Variants in RREB1 observed in about 807,000 individuals in gnomAD.
RREB1 encodes the protein ras-responsive element-binding protein 1.
Under a neutral mutation model 117.8 loss-of-function variants are expected in RREB1, and 27 were observed. That is an observed-to-expected ratio of 0.23 (90% CI 0.17 to 0.32). RREB1 has a LOEUF of 0.32. Ranked by LOEUF, RREB1 falls within the 10% of genes least tolerant of loss-of-function variation. The pLI is 1.00. For missense variants in RREB1, 2,577 were observed against 2,378.2 expected (o/e 1.08, Z -1.74); for synonymous variants, 1,298 against 1,026.7 (o/e 1.26, Z -5.05).
chr6:7,186,234 G>C (rs1765075491), intron 4 of RREB1, among the ~76,000 whole-genome samples: 1 of 152,170 alleles, frequency 6.6e-6, no homozygotes, highest in African/African-American at 2.4e-5. Context: ...CGAGGTGCAA[G>C]CCTCCTTGGG....
chr6:7,231,469 A>G lies in RREB1; in HGVS notation c.3370A>G (p.Lys1124Glu), dbSNP rs1767972298. The G allele has an allele frequency of 6.2e-7, 1 of 1,613,014 alleles. No homozygotes were observed. Among genetic ancestry groups the G allele is most frequent in the South Asian group, 1.1e-5 (1 of 91,040 alleles). ...CACCCCCGCTGCCACCACCAGCCCAAAAGAGTCTAGTGAGCCTCCCGCTCC... is the reference window on the plus strand; with the variant it reads ...CACCCCCGCTGCCACCACCAGCCCAGAAGAGTCTAGTGAGCCTCCCGCTCC... ...TATPAATTSP[K>E]ESSEPPAPAS... Residue 1124 changes from lysine to glutamate, a missense_variant, in exon 10 of 13, where the codon AAA becomes GAA. Lys to Glu is a moderately conservative substitution (Grantham distance 56). Transcript: ENST00000379938.
In RREB1 at chr6:7,229,593, G is replaced by C. The variant is rs1275051434; in HGVS notation, c.1494G>C (p.Gln498His). 1 of 1,612,128 alleles carries C rather than the reference G, an allele frequency of 6.2e-7. No homozygotes were observed. Among genetic ancestry groups the C allele is most frequent in the East Asian group, 2.2e-5 (1 of 44,826 alleles). Residue 498 changes from glutamine (Q) to histidine (H), a missense_variant, in exon 10 of 13, where the codon CAG becomes CAC. By Grantham distance (24) the Gln-to-His change is conservative. Transcript: ENST00000379938. This position sits in a 1 kb window ranked among gnomAD's most constrained non-coding sequence, Gnocchi z 4.5. ...CCAAGGCCCCTGCCGCCCCACTGCA[G>C]GCGATCTTCAAGCACATGCCCCCTC... Reference protein sequence around the residue: ...PFSKAPAAPLQAIFKHMPPLK... With the variant: ...PFSKAPAAPLHAIFKHMPPLK...
At chr6:7,181,779 A>G in intron 3 of RREB1, 91 bp from the exon 4 acceptor site, 2 of 887,810 alleles carry the variant, frequency 2.3e-6, no homozygotes, top group Non-Finnish European at 3.7e-6. Context: ...TTTGACCTGA[A>G]TTACAATTAG....
chr6:7,162,055 A>G (rs576730145), intron 1 of RREB1, among the ~76,000 whole-genome samples: 29 of 152,258 alleles, frequency 1.9e-4, no homozygotes, highest in African/African-American at 6.7e-4. Context: ...TGCCAGCCGC[A>G]TCTTTGCCAT....
At chr6:7,116,521 A>G (rs987378636) in intron 1 of RREB1, among the ~76,000 whole-genome samples, 2 of 152,234 alleles carry the variant, frequency 1.3e-5, no homozygotes, top group African/African-American at 4.8e-5. Flanking sequence ...GAACGATTGC[A>G]TAGTTGGTGC....
At chr6:7,132,617 C>A (rs1312446300) in intron 1 of RREB1, among the ~76,000 whole-genome samples, 1 of 152,240 alleles carries the variant, frequency 6.6e-6, no homozygotes, top group African/African-American at 2.4e-5. Flanking sequence ...GATATTGACA[C>A]AGAGCAGTTG....
At chr6:7,152,978 C>A (rs1169554347) in intron 1 of RREB1, among the ~76,000 whole-genome samples, 1 of 152,090 alleles carries the variant, frequency 6.6e-6, no homozygotes, top group African/African-American at 2.4e-5. Flanking sequence ...TCCCTCTCCC[C>A]AATTCTTTTA....
chr6:7,188,252 T>TGTGTGTGTGTGTGC (rs1411771705), intron 5 of RREB1, among the ~76,000 whole-genome samples: 26 of 147,664 alleles, frequency 1.8e-4, no homozygotes, highest in African/African-American at 6.2e-4. Context: ...TGTGTGTGTG[T>TGTGTGTGTGTGTGC]GCGCGCGCGC....
At chr6:7,124,742 G>A (rs1023166035) in intron 1 of RREB1, among the ~76,000 whole-genome samples, 6 of 152,266 alleles carry the variant, frequency 3.9e-5, no homozygotes, top group East Asian at 1.9e-4. Flanking sequence ...GTTACCAGCC[G>A]CCTAAATTCC....
chr6:7,192,778 CTG>C (rs1336458827), intron 6 of RREB1, among the ~76,000 whole-genome samples: 4 of 152,138 alleles, frequency 2.6e-5, no homozygotes, highest in African/African-American at 7.2e-5. Context: ...ATTCTGTTCT[CTG>C]TTTCATTAAA....
At chr6:7,159,569 CAAT>C (rs1237377210) in intron 1 of RREB1, among the ~76,000 whole-genome samples, 7 of 152,166 alleles carry the variant, frequency 4.6e-5, no homozygotes, top group South Asian at 2.1e-4. Flanking sequence ...TGCCTTGTGT[CAAT>C]AATGTTTTGA....
chr6:7,192,116 A>ATTTTTTTTTTTTTTTTTT (rs34074532), intron 6 of RREB1, among the ~76,000 whole-genome samples: 12 of 15,318 alleles, frequency 7.8e-4, no homozygotes, highest in East Asian at 3.5e-3. Flanking sequence ...TTGTCAGATG[A>ATTTTTTTTTTTTTTTTTT]TTTTTTTTTT....
In RREB1 at chr6:7,230,718, C is replaced by G. The variant is rs750916740; in HGVS notation, c.2619C>G (p.Gly873=). The stretch of plus-strand genomic sequence containing the variant: ...CCCAGAACGGCTTTCTTCACAGGGG[C>G]CCCACCCAGCCTCCACCTCCCCATG... ...LEPQNGFLHR[G]PTQPPPPHVS... The change falls in exon 10 of 13, where the codon GGC becomes GGG. Residue 873 remains glycine, a synonymous_variant. Transcript: ENST00000379938. The G allele has an allele frequency of 6.3e-7, 1 of 1,597,126 alleles. No individual in the cohort carries two copies. Among genetic ancestry groups the G allele is most frequent in the Admixed American group, 1.7e-5 (1 of 58,530 alleles).
chr6:7,164,231 TC>T (rs1763813910), intron 1 of RREB1, among the ~76,000 whole-genome samples: 1 of 152,190 alleles, frequency 6.6e-6, no homozygotes, highest in Non-Finnish European at 1.5e-5. Flanking sequence ...TGGCTTCTGT[TC>T]CTCACCTCCC....
Position 7,200,242 on chromosome 6 carries a change from A to ATGTGTGTG in RREB1, c.426-10561_426-10560insGTGTGTGT, listed in dbSNP as rs762239284. Among the ~76,000 whole-genome samples, 73 of 104,448 alleles carry ATGTGTGTG rather than the reference A, an allele frequency of 7.0e-4. 1 individual carries two copies. The highest frequency in any genetic ancestry group is 9.9e-4 in the Non-Finnish European group (49 of 49,638). 68.5% of individuals were successfully genotyped at this position (104,448 alleles called of 152,430 possible). ...TGTATATATATATATGTATGTGTGTATATGTGTGTGTGTGTGTGTGTGTGT... is the reference window on the plus strand; with the variant it reads ...TGTATATATATATATGTATGTGTGTATGTGTGTGTATGTGTGTGTGTGTGTGTGTGTGT... On this transcript the variant is annotated intron_variant, in intron 6 of 12. Coordinates refer to ENST00000379938, the MANE Select transcript of RREB1 (RefSeq NM_001003699.4).
chr6:7,186,937 A>C (rs1263917258), intron 4 of RREB1, among the ~76,000 whole-genome samples: 1 of 152,202 alleles, frequency 6.6e-6, no homozygotes. Context: ...ACAGCTAGGC[A>C]CTGAGGGCTT....
chr6:7,185,319 C>T (rs1765029320), intron 4 of RREB1: 1 of 152,156 alleles, frequency 6.6e-6, no homozygotes, highest in South Asian at 2.1e-4. Flanking sequence ...CCTGTAATCC[C>T]AGCACTTCGG....
intron 10 of RREB1, among the ~76,000 whole-genome samples, chr6:7,232,547 C>G (rs753728719): frequency 1.3e-5 from 2 of 152,120 alleles, no homozygotes; most frequent in Non-Finnish European, 2.9e-5. Flanking sequence ...GTAAGCCTTT[C>G]TGAGAAACTT....
chr6:7,149,013 C>G (rs1374126352), intron 1 of RREB1, among the ~76,000 whole-genome samples: 1 of 152,146 alleles, frequency 6.6e-6, no homozygotes, highest in African/African-American at 2.4e-5. Context: ...ACCTCTGCCT[C>G]CCAGGTTCAA....
Sources: gnomAD v4.1 joint callset for allele counts (sites outside exome capture counted in the v4.1 genomes callset) on GRCh38, gnomAD v4.1.1 for gene constraint, Gnocchi (gnomAD v3.1) non-coding constraint, MANE v1.5 for transcripts, NCBI Gene and HGNC (gene_info 2026-07-23, HGNC 2026-07-21) for gene names.